The following DGKD variants were observed in gnomAD, a reference collection of about 807,000 sequenced individuals.
The protein encoded by DGKD is DAG kinase delta.
Under a neutral mutation model 154.4 loss-of-function variants are expected in DGKD, and 68 were observed. That is an observed-to-expected ratio of 0.44 (90% CI 0.36 to 0.54). DGKD has a LOEUF of 0.54. Among genes scored for constraint, DGKD ranks in the 20% least tolerant of loss-of-function variants. The probability of loss-of-function intolerance (pLI) is 0.00; values close to 1 mark genes in which losing one functional copy is unlikely to be tolerated. For synonymous variants in DGKD, 693 were observed against 638.0 expected (o/e 1.09, Z -1.30); for missense variants, 1,343 against 1,593.6 (o/e 0.84, Z 2.68).
At chr2:233,450,462 G>A (rs555106953) in intron 16 of DGKD, among the ~76,000 whole-genome samples, 1 of 152,240 alleles carries the variant, frequency 6.6e-6, no homozygotes, top group South Asian at 2.1e-4. Context: ...AAGGGGCTGT[G>A]TCTGGCAGAG....
intron 3 of DGKD, among the ~76,000 whole-genome samples, chr2:233,415,331 A>T (rs981388554): frequency 1.3e-5 from 2 of 152,202 alleles, no homozygotes; most frequent in South Asian, 2.1e-4. Flanking sequence ...TGGTTATGAG[A>T]TGCCTGCAGC....
rs1358710085 is a variant in DGKD at position 233,470,236 on chromosome 2, G to A, written c.*776G>A. The A allele has an allele frequency of 2.0e-5, 3 of 152,468 alleles. No individual in the cohort carries two copies. The highest frequency in any genetic ancestry group is 4.8e-5 in the African/African-American group (2 of 41,454). The allele number at this position is 152,468 out of a possible 1,614,324, so 9.4% of individuals were successfully genotyped here. On this transcript the variant is annotated 3_prime_UTR_variant, in exon 30 of 30. Coordinates refer to ENST00000264057, the MANE Select transcript of DGKD (RefSeq NM_152879.3). ...CGGACGCTCTAGGCGAGTTCAGCTT[G>A]GGGTGTGAGTGAGACAGCTTGCCAG...
At position 233,449,201 on chromosome 2, in the gene DGKD, C is replaced by T. The variant is rs768658481; in HGVS notation, c.1713C>T (p.Ala571=). The change falls in exon 15 of 30, where the codon GCC becomes GCT. Residue 571 remains alanine, a synonymous_variant. Coordinates refer to ENST00000264057, the MANE Select transcript of DGKD (RefSeq NM_152879.3). The surrounding 1 kb of genome is among the most constrained non-coding windows in gnomAD (Gnocchi z 5.3). ...TGCCCAACCCGCCCCCCACCATTGC[C>T]GAGGAGGCTGAAGATGGAGATGGGT... ...SSLPNPPPTI[A]EEAEDGDGSG... 1.9e-5 allele frequency: 30 copies of T among 1,613,716 alleles called. No individual in the cohort carries two copies. The highest frequency in any genetic ancestry group is 5.3e-5 in the African/African-American group (4 of 74,930).
chr2:233,437,525 T>C, intron 8 of DGKD, 46 bp downstream of exon 8: 1 of 1,559,454 alleles, frequency 6.4e-7, no homozygotes, highest in Non-Finnish European at 8.8e-7. Context: ...CCCACACGCT[T>C]CCTTCTCCAC....
chr2:233,394,020 A>G (rs550006473), intron 3 of DGKD, among the ~76,000 whole-genome samples: 1 of 152,202 alleles, frequency 6.6e-6, no homozygotes, highest in South Asian at 2.1e-4. Context: ...TATGTTGTTC[A>G]AGTCCTCTTA....
chr2:233,360,651 G>A (rs1701737095), intron 1 of DGKD, among the ~76,000 whole-genome samples: 1 of 152,214 alleles, frequency 6.6e-6, no homozygotes, highest in African/African-American at 2.4e-5. Flanking sequence ...AGGCTTCTGA[G>A]TAGCTGGGAG....
At chr2:233,393,411 A>T (rs1396651446) in intron 3 of DGKD, among the ~76,000 whole-genome samples, 1 of 140,802 alleles carries the variant, frequency 7.1e-6, no homozygotes, top group Non-Finnish European at 1.5e-5. Context: ...ATCTCGGCTC[A>T]TGGCAACCTC....
chr2:233,445,716 C>G lies in DGKD; in HGVS notation c.1288C>G (p.Gln430Glu). 1 of 1,613,526 alleles carries G rather than the reference C, an allele frequency of 6.2e-7. No homozygotes were observed. Among genetic ancestry groups the G allele is most frequent in the Non-Finnish European group, 8.5e-7 (1 of 1,179,744 alleles). ...SACDDDTQLPQILEKLERAST... is the reference protein window; with the variant it reads ...SACDDDTQLPEILEKLERAST... ...CTGCGATGACGACACCCAGCTCCCC[C>G]AGATCTTGGAGAAGTTGGAGAGAGC... The change falls in exon 11 of 30, where the codon CAG becomes GAG. Residue 430 changes from glutamine to glutamate, a missense_variant. Coordinates refer to ENST00000264057, the MANE Select transcript of DGKD (RefSeq NM_152879.3). This position sits in a 1 kb window ranked among gnomAD's most constrained non-coding sequence, Gnocchi z 5.5.
chr2:233,462,101 C>G (rs964156255), intron 24 of DGKD, among the ~76,000 whole-genome samples: 1 of 152,252 alleles, frequency 6.6e-6, no homozygotes. Flanking sequence ...GTACATTTCT[C>G]TCCCTGGAAA....
At chr2:233,439,525 T>G (rs1294695582) in intron 9 of DGKD, among the ~76,000 whole-genome samples, 1 of 152,226 alleles carries the variant, frequency 6.6e-6, no homozygotes, top group Non-Finnish European at 1.5e-5. Context: ...TGGTGGAGGA[T>G]TGCATTCACT....
At chr2:233,388,119 A>C in intron 1 of DGKD, 138 bp from the exon 2 acceptor site, 1 of 1,518,290 alleles carries the variant, frequency 6.6e-7, no homozygotes, top group Non-Finnish European at 8.8e-7. Flanking sequence ...TGCATAGGTC[A>C]AGGTCTGTTG....
At position 233,354,728 on chromosome 2, in the gene DGKD, C is replaced by T. The variant is rs1348748457; in HGVS notation, c.156+54C>T. 3.1e-5 allele frequency: 30 copies of T among 963,866 alleles called. No individual in the cohort carries two copies. Among genetic ancestry groups the T allele is most frequent in the Non-Finnish European group, 3.6e-5 (29 of 813,482 alleles). The allele number at this position is 963,866 out of a possible 1,614,324, so 59.7% of individuals were successfully genotyped here. On this transcript the variant is annotated intron_variant, in intron 1 of 29. Transcript: ENST00000264057. This position sits in a 1 kb window ranked among gnomAD's most constrained non-coding sequence, Gnocchi z 4.8. The stretch of plus-strand genomic sequence containing the variant: ...CGCGCCCCTCACGCCGCGGCAGCCC[C>T]GGCCGAGGCCCGTGGCCCTGCCCGA...
intron 10 of DGKD, 27 bp downstream of exon 10, chr2:233,442,022 A>G (rs1323791982): frequency 6.3e-7 from 1 of 1,586,896 alleles, no homozygotes; most frequent in East Asian, 2.2e-5. Flanking sequence ...GAGCCCAGCC[A>G]GGAGCAGAGA....
intron 24 of DGKD, among the ~76,000 whole-genome samples, chr2:233,460,662 G>A (rs1575168783): frequency 6.6e-6 from 1 of 152,164 alleles, no homozygotes; most frequent in Non-Finnish European, 1.5e-5. Context: ...AGGCCAAGGT[G>A]GGCAGATCAC....
chr2:233,447,529 T>G (rs552442905), intron 12 of DGKD: 2 of 985,360 alleles, frequency 2.0e-6, no homozygotes, highest in African/African-American at 1.7e-5. Context: ...AAAAAAAATT[T>G]TTTTTTTGAG....
At chr2:233,444,214 CT>C (rs2062990934) in intron 10 of DGKD, among the ~76,000 whole-genome samples, 1 of 152,148 alleles carries the variant, frequency 6.6e-6, no homozygotes, top group Non-Finnish European at 1.5e-5. Flanking sequence ...CATCATCCAT[CT>C]AGATGTCTGA....
At position 233,456,951 on chromosome 2, in the gene DGKD, C is replaced by T. The variant is rs775983057; in HGVS notation, c.2428C>T (p.Leu810=). The T allele has an allele frequency of 6.2e-7, 1 of 1,614,174 alleles. No individual in the cohort carries two copies. Among genetic ancestry groups the T allele is most frequent in the Admixed American group, 1.7e-5 (1 of 60,032 alleles). The change falls in exon 20 of 30, where the codon CTG becomes TTG. Residue 810 remains leucine, a synonymous_variant. Transcript: ENST00000264057. Reference sequence around the variant, plus strand: ...TGGAGTTCTTGGAACCAAAGAGTTGCTGCACAGAACCTACAAGAACCTGGA... The same window carrying T: ...TGGAGTTCTTGGAACCAAAGAGTTGTTGCACAGAACCTACAAGAACCTGGA... ...WYGVLGTKEL[L]HRTYKNLEQK...
rs1226293246 is a variant in DGKD, at chr2:233,471,007, C to T, written c.*1547C>T. 2 of 152,536 alleles carry T rather than the reference C, an allele frequency of 1.3e-5. No homozygotes were observed. The highest frequency in any genetic ancestry group is 4.8e-5 in the African/African-American group (2 of 41,466). 9.4% of individuals were successfully genotyped at this position (152,536 alleles called of 1,614,324 possible). Reference sequence around the variant, plus strand: ...GCTGGGTCTGCAGCAGCCCCTGGTCCTGAGCAGGCGGCAGTGAACAGCACT... The same window carrying T: ...GCTGGGTCTGCAGCAGCCCCTGGTCTTGAGCAGGCGGCAGTGAACAGCACT... On this transcript the variant is annotated 3_prime_UTR_variant, in exon 30 of 30. Transcript: ENST00000264057.
rs781173419 is a variant in DGKD, at chr2:233,438,171, G to A, written c.923-46G>A. ...TGATTCCATCAGTGGTGCCCTCAGC[G>A]TCTTCCGTGGCCTATATATTTTCTT... On this transcript the variant is annotated intron_variant, in intron 8 of 29. Transcript: ENST00000264057. The surrounding 1 kb of genome is among the most constrained non-coding windows in gnomAD (Gnocchi z 4.1). The A allele has an allele frequency of 6.4e-5, 102 of 1,598,970 alleles. No homozygotes were observed. The highest frequency in any genetic ancestry group is 2.1e-4 in the Middle Eastern group (1 of 4,872).
Sources: gnomAD v4.1 joint callset for allele counts (sites outside exome capture counted in the v4.1 genomes callset) on GRCh38, gnomAD v4.1.1 for gene constraint, Gnocchi (gnomAD v3.1) non-coding constraint, MANE v1.5 for transcripts, NCBI Gene and HGNC (gene_info 2026-07-23, HGNC 2026-07-21) for gene names.